The following ZNF782 variants were observed in gnomAD, a reference collection of about 807,000 sequenced individuals.
ZNF782 encodes the protein zinc finger protein 782.
ZNF782 carries 12 observed loss-of-function variants against 13.0 expected under a neutral mutation model. The ratio of observed to expected loss-of-function variants is 0.92; its 90% confidence interval spans 0.59 to 1.50. ZNF782 has a LOEUF of 1.50. Among genes scored for constraint, ZNF782 ranks in the 40% most tolerant of loss-of-function variants. The probability of loss-of-function intolerance (pLI) is 0.00; values close to 1 mark genes in which losing one functional copy is unlikely to be tolerated. For synonymous variants in ZNF782, 284 were observed against 283.0 expected (o/e 1.00, Z -0.04); for missense variants, 770 against 822.9 (o/e 0.94, Z 0.79).
chr9:96,872,146 C>T (rs1851836509), intron 1 of ZNF782, among the ~76,000 whole-genome samples: 1 of 152,170 alleles, frequency 6.6e-6, no homozygotes, highest in Non-Finnish European at 1.5e-5. Context: ...GTATTGACTG[C>T]AGTTTTATTT....
chr9:96,822,317 T>C lies in ZNF782; in HGVS notation c.245-2539A>G, dbSNP rs191140138. On this transcript the variant is annotated intron_variant, in intron 5 of 5. Transcript: ENST00000481138. ...CATGTTATATTGCATGGACTCAATA[T>C]ATAGAAGAGTAAAGCAGAGACCATT... is the stretch of plus-strand genomic sequence containing the variant. 4.1e-4 allele frequency among the ~76,000 whole-genome samples: 62 copies of C among 152,328 alleles called. No individual in the cohort carries two copies. In the South Asian group the frequency reaches 7.9e-3, roughly 19 times the overall value.
At position 96,819,347 on chromosome 9, in the gene ZNF782, C is replaced by T; in HGVS notation, c.676G>A (p.Glu226Lys). The T allele has an allele frequency of 1.2e-6, 2 of 1,600,250 alleles. No homozygotes were observed. Among genetic ancestry groups the T allele is most frequent in the East Asian group, 2.2e-5 (1 of 44,798 alleles). The change falls in exon 6 of 6, where the codon GAA (glutamate) becomes AAA (lysine). Residue 226 changes from glutamate to lysine, a missense_variant. Physicochemically the swap from Glu to Lys is moderately conservative, Grantham distance 56. Transcript: ENST00000481138. ...EYNESRKAFL[E>K]KAALVTSNST... The stretch of plus-strand genomic sequence containing the variant: ...TTAGATGTAACAAGGGCAGCCTTTT[C>T]AAGAAAAGCTTTTCTACTTTCATTA...
the ZNF782 span, chr9:96,895,413 A>T: frequency 6.6e-6 from 1 of 152,236 alleles, no homozygotes; most frequent in Non-Finnish European, 1.5e-5. Context: ...GTCTAACTCG[A>T]ATCAAAAAAA....
At chr9:96,849,422 T>C (rs956281572) in intron 3 of ZNF782, among the ~76,000 whole-genome samples, 7 of 152,226 alleles carry the variant, frequency 4.6e-5, no homozygotes, top group African/African-American at 1.7e-4. Flanking sequence ...TGGGGACTCC[T>C]GTCCTATTTA....
At chr9:96,865,005 C>T (rs1198386742) in intron 1 of ZNF782, among the ~76,000 whole-genome samples, 1 of 151,952 alleles carries the variant, frequency 6.6e-6, no homozygotes, top group Admixed American at 6.6e-5. Flanking sequence ...AGGATCATGC[C>T]ACTGCACTTT....
intron 1 of ZNF782, among the ~76,000 whole-genome samples, chr9:96,864,171 T>A (rs1443845328): frequency 6.7e-6 from 1 of 150,108 alleles, no homozygotes; most frequent in African/African-American, 2.4e-5. Flanking sequence ...GAGCAGCTCC[T>A]ATTCAGAAAA....
At chr9:96,881,929 T>C in the ZNF782 span, among the ~76,000 whole-genome samples, 1 of 152,154 alleles carries the variant, frequency 6.6e-6, no homozygotes, top group South Asian at 2.1e-4. Flanking sequence ...ATGTTAAGCC[T>C]TCCTTGTTAA....
the ZNF782 span, chr9:96,889,049 A>G: frequency 6.6e-6 from 1 of 152,376 alleles, no homozygotes; most frequent in Non-Finnish European, 1.5e-5. Context: ...CTGTGCTTCC[A>G]GGGCTTTGCA....
the ZNF782 span, among the ~76,000 whole-genome samples, chr9:96,903,707 C>T: frequency 3.3e-5 from 5 of 151,154 alleles, no homozygotes; most frequent in Non-Finnish European, 7.4e-5. Context: ...TGACTACAGG[C>T]GCCCGCCACC....
At chr9:96,847,646 TAG>T (rs1821560936) in intron 3 of ZNF782, among the ~76,000 whole-genome samples, 1 of 151,878 alleles carries the variant, frequency 6.6e-6, no homozygotes, top group Non-Finnish European at 1.5e-5. Flanking sequence ...AGACTACAAG[TAG>T]AGAGATTAAA....
chr9:96,922,592 G>A, the ZNF782 span, among the ~76,000 whole-genome samples: 1 of 152,296 alleles, frequency 6.6e-6, no homozygotes, highest in Admixed American at 6.5e-5. Flanking sequence ...ATAACACGGT[G>A]AAACCTCGTC....
At chr9:96,926,877 G>A in the ZNF782 span, among the ~76,000 whole-genome samples, 2 of 152,194 alleles carry the variant, frequency 1.3e-5, no homozygotes, top group Non-Finnish European at 2.9e-5. Flanking sequence ...GCACTGGTCC[G>A]GCTGAAGGCC....
chr9:96,897,743 C>A, the ZNF782 span, among the ~76,000 whole-genome samples: 18 of 150,946 alleles, frequency 1.2e-4, no homozygotes, highest in African/African-American at 3.9e-4. Context: ...TTGCTCTAGG[C>A]TATTGCTCCA....
the ZNF782 span, among the ~76,000 whole-genome samples, chr9:96,905,735 G>A: frequency 3.9e-4 from 59 of 151,500 alleles, no homozygotes; most frequent in Non-Finnish European, 5.2e-4. Context: ...ACAGACATGC[G>A]CCACTATGCC....
intron 5 of ZNF782, among the ~76,000 whole-genome samples, chr9:96,825,053 T>C (rs1850568795): frequency 6.6e-6 from 1 of 150,742 alleles, no homozygotes; most frequent in African/African-American, 2.4e-5. Flanking sequence ...TGGAAAAAAC[T>C]ACTTTAAAGT....
At chr9:96,921,234 A>T in the ZNF782 span, among the ~76,000 whole-genome samples, 3 of 149,802 alleles carry the variant, frequency 2.0e-5, no homozygotes, top group Admixed American at 6.6e-5. Context: ...TTTTTTTTTT[A>T]AATCACTTTA....
the ZNF782 span, among the ~76,000 whole-genome samples, chr9:96,885,313 T>G: frequency 6.6e-6 from 1 of 151,818 alleles, no homozygotes; most frequent in Non-Finnish European, 1.5e-5. Flanking sequence ...AGAAACCAAA[T>G]ACAAGTTAGA....
At chr9:96,819,799 CAA>C in intron 5 of ZNF782, 21 bp from the exon 6 acceptor site, 1 of 1,530,690 alleles carries the variant, frequency 6.5e-7, no homozygotes, top group Non-Finnish European at 8.7e-7. Flanking sequence ...TAAAATTAAA[CAA>C]ACTTTATGAT....
the ZNF782 span, among the ~76,000 whole-genome samples, chr9:96,910,838 G>A: frequency 6.7e-6 from 1 of 149,608 alleles, no homozygotes; most frequent in South Asian, 2.1e-4. Context: ...GGGTTTCACA[G>A]TGTTAGCCAG....
Sources: gnomAD v4.1 joint callset for allele counts (sites outside exome capture counted in the v4.1 genomes callset) on GRCh38, gnomAD v4.1.1 for gene constraint, MANE v1.5 for transcripts, NCBI Gene and HGNC (gene_info 2026-07-23, HGNC 2026-07-21) for gene names.